EBF2: variants seen among roughly 807,000 people sequenced by gnomAD.
EBF2 encodes transcription factor COE2.
EBF2 carries 21 observed loss-of-function variants against 72.8 expected under a neutral mutation model. That is an observed-to-expected ratio of 0.29 (90% CI 0.20 to 0.42). The LOEUF is 0.42. Ranked by LOEUF, EBF2 falls within the 10% of genes least tolerant of loss-of-function variation. EBF2 has a pLI of 1.00. For synonymous variants in EBF2, 299 were observed against 274.2 expected (o/e 1.09, Z -0.89); for missense variants, 637 against 731.2 (o/e 0.87, Z 1.49).
At chr8:25,924,428 A>G (rs1369952288) in intron 6 of EBF2, among the ~76,000 whole-genome samples, 2 of 152,208 alleles carry the variant, frequency 1.3e-5, no homozygotes, top group Non-Finnish European at 2.9e-5. Flanking sequence ...GTTTATTTCC[A>G]GAAAATAAAT....
At chr8:25,906,495 G>A (rs192924985) in intron 7 of EBF2, among the ~76,000 whole-genome samples, 12 of 152,206 alleles carry the variant, frequency 7.9e-5, no homozygotes, top group Non-Finnish European at 1.3e-4. Context: ...GCCCAGAAGC[G>A]GTGGCTCACA....
chr8:25,956,097 T>C (rs943529740), intron 6 of EBF2, among the ~76,000 whole-genome samples: 1 of 151,678 alleles, frequency 6.6e-6, no homozygotes, highest in African/African-American at 2.4e-5. Context: ...TGCACAGGGA[T>C]GGGGAGGGAG....
At chr8:26,038,600 T>C (rs937656446) in intron 5 of EBF2, among the ~76,000 whole-genome samples, 3 of 152,210 alleles carry the variant, frequency 2.0e-5, no homozygotes, top group Non-Finnish European at 4.4e-5. Flanking sequence ...ACCAACCTAA[T>C]CAAAGCGTTC....
chr8:26,026,221 C>A (rs374943882), intron 6 of EBF2, among the ~76,000 whole-genome samples: 1 of 152,092 alleles, frequency 6.6e-6, no homozygotes, highest in South Asian at 2.1e-4. Flanking sequence ...TTTCTGTGGG[C>A]TCTTCACAGT....
chr8:26,024,314 G>A (rs1217201397), intron 6 of EBF2, among the ~76,000 whole-genome samples: 2 of 151,886 alleles, frequency 1.3e-5, no homozygotes, highest in African/African-American at 4.8e-5. Flanking sequence ...GGTACTTTTT[G>A]CATTTTGCAT....
intron 14 of EBF2, among the ~76,000 whole-genome samples, chr8:25,853,307 T>A (rs561713891): frequency 1.3e-5 from 2 of 152,166 alleles, no homozygotes; most frequent in Admixed American, 1.3e-4. Context: ...TTAGATATGT[T>A]CATATCCTCA....
At chr8:25,926,026 C>G (rs1446927808) in intron 6 of EBF2, among the ~76,000 whole-genome samples, 1 of 152,158 alleles carries the variant, frequency 6.6e-6, no homozygotes, top group Non-Finnish European at 1.5e-5. Context: ...TTTGCTATCC[C>G]TCAGCCCCCA....
At chr8:25,857,109 T>C (rs1802110371) in intron 14 of EBF2, among the ~76,000 whole-genome samples, 1 of 152,182 alleles carries the variant, frequency 6.6e-6, no homozygotes, top group Non-Finnish European at 1.5e-5. Flanking sequence ...AGCAATCATT[T>C]ATTTCTCTAG....
rs147134190 is a variant in EBF2 at position 25,950,099 on chromosome 8, TATAAACCATGGCCACCTTA to T, written c.552-41563_552-41545del. On this transcript the variant is annotated intron_variant, in intron 6 of 15. Transcript: ENST00000520164. ...TGAACATCATCCGAAGACCAGCTTC[TATAAACCATGGCCACCTTA>T]ATCAGAGCATCTGAAACGAGGTGCC... Among the ~76,000 whole-genome samples the T allele has an allele frequency of 2.0e-4, 31 of 152,358 alleles. No individual in the cohort carries two copies. In the East Asian group the frequency reaches 5.8e-3, roughly 28 times the overall value.
chr8:25,978,239 G>A (rs1258121440), intron 6 of EBF2, among the ~76,000 whole-genome samples: 1 of 152,222 alleles, frequency 6.6e-6, no homozygotes. Context: ...AAAAAGCCAG[G>A]GAAGCCCCAG....
At chr8:25,938,976 C>T (rs1285386704) in intron 6 of EBF2, among the ~76,000 whole-genome samples, 1 of 152,128 alleles carries the variant, frequency 6.6e-6, no homozygotes, top group Non-Finnish European at 1.5e-5. Flanking sequence ...TTCCCAGAGA[C>T]CTGGGAACCC....
chr8:25,844,932 T>G (rs1178827325), intron 15 of EBF2, among the ~76,000 whole-genome samples: 1 of 152,220 alleles, frequency 6.6e-6, no homozygotes, highest in African/African-American at 2.4e-5. Flanking sequence ...AGACAACAGA[T>G]GTAAACATGT....
At chr8:25,869,134 A>C in intron 10 of EBF2, among the ~76,000 whole-genome samples, 1 of 152,188 alleles carries the variant, frequency 6.6e-6, no homozygotes, top group Non-Finnish European at 1.5e-5. Context: ...TCATTGATTC[A>C]ATTCTCCTGC....
chr8:26,015,875 G>A (rs2117239176), intron 6 of EBF2, among the ~76,000 whole-genome samples: 1 of 152,258 alleles, frequency 6.6e-6, no homozygotes, highest in East Asian at 1.9e-4. Context: ...CAGCTCCTTA[G>A]CCCTGACCTG....
intron 6 of EBF2, among the ~76,000 whole-genome samples, chr8:25,985,320 T>C (rs905782806): frequency 1.1e-4 from 16 of 152,176 alleles, no homozygotes; most frequent in African/African-American, 3.4e-4. Flanking sequence ...GCAGATTTCC[T>C]TGTACATGAT....
intron 6 of EBF2, among the ~76,000 whole-genome samples, chr8:25,958,289 T>C (rs931600846): frequency 6.6e-6 from 1 of 152,202 alleles, no homozygotes; most frequent in African/African-American, 2.4e-5. Flanking sequence ...ATCTCTCCAA[T>C]AGATTGGAAC....
At chr8:25,969,287 C>T (rs1210206588) in intron 6 of EBF2, among the ~76,000 whole-genome samples, 2 of 152,204 alleles carry the variant, frequency 1.3e-5, no homozygotes. Context: ...AAAACTGGCT[C>T]CATTTCTTGC....
chr8:25,931,858 C>T (rs1803486922), intron 6 of EBF2, among the ~76,000 whole-genome samples: 1 of 152,176 alleles, frequency 6.6e-6, no homozygotes, highest in Non-Finnish European at 1.5e-5. Context: ...AATTAGGCAA[C>T]ACAGAGATGT....
intron 6 of EBF2, among the ~76,000 whole-genome samples, chr8:25,923,454 G>A (rs1803337504): frequency 6.6e-6 from 1 of 152,158 alleles, no homozygotes; most frequent in Admixed American, 6.5e-5. Context: ...CAGCTTGCCA[G>A]GGTGATCACA....
Sources: gnomAD v4.1 joint callset for allele counts (sites outside exome capture counted in the v4.1 genomes callset) on GRCh38, gnomAD v4.1.1 for gene constraint, MANE v1.5 for transcripts, NCBI Gene and HGNC (gene_info 2026-07-23, HGNC 2026-07-21) for gene names.